Variants in ZNF804B observed in about 807,000 individuals in gnomAD.
The protein encoded by ZNF804B is zinc finger 804B.
In ZNF804B, 80 loss-of-function variants were observed where a neutral mutation model predicts 101.4. The observed-to-expected ratio is 0.79, with a 90% confidence interval of 0.66 to 0.95. The LOEUF is 0.95. Ranked by LOEUF, ZNF804B falls within the 40% of genes least tolerant of loss-of-function variation. The pLI, the probability that ZNF804B is intolerant of heterozygous loss-of-function variation, is 0.00. For synonymous variants in ZNF804B, 622 were observed against 558.8 expected, an observed-to-expected ratio of 1.11 and a Z score of -1.59; for missense variants, 1,673 against 1,561.9, an observed-to-expected ratio of 1.07 and a Z score of -1.20.
At chr7:88,833,167 T>A (rs1791158232) in intron 1 of ZNF804B, among the ~76,000 whole-genome samples, 1 of 110,272 alleles carries the variant, frequency 9.1e-6, no homozygotes, top group African/African-American at 4.8e-5. Flanking sequence ...TGCTATTCTA[T>A]CTTCCGCTTA....
chr7:88,872,306 C>A (rs1791839108), intron 1 of ZNF804B, among the ~76,000 whole-genome samples: 1 of 151,934 alleles, frequency 6.6e-6, no homozygotes, highest in South Asian at 2.1e-4. Flanking sequence ...AATCTGAACA[C>A]CTTGGGAGGC....
chr7:89,087,218 T>C (rs1789818274), intron 1 of ZNF804B, among the ~76,000 whole-genome samples: 3 of 151,924 alleles, frequency 2.0e-5, no homozygotes. Context: ...AAAGCATAAG[T>C]ATGAAAATAA....
chr7:89,078,348 A>C (rs1789643482), intron 1 of ZNF804B, among the ~76,000 whole-genome samples: 1 of 152,092 alleles, frequency 6.6e-6, no homozygotes, highest in Non-Finnish European at 1.5e-5. Context: ...GCTTACTAGA[A>C]ATGCTCAATT....
intron 1 of ZNF804B, among the ~76,000 whole-genome samples, chr7:88,768,624 C>T (rs772738445): frequency 3.3e-5 from 5 of 152,160 alleles, no homozygotes; most frequent in African/African-American, 9.6e-5. Context: ...AGGCTGAGGC[C>T]GGAGAATCGC....
intron 1 of ZNF804B, among the ~76,000 whole-genome samples, chr7:89,127,148 T>A (rs1790486231): frequency 6.6e-6 from 1 of 151,928 alleles, no homozygotes; most frequent in East Asian, 1.9e-4. Flanking sequence ...AAAGAATATG[T>A]TTCCTTTAAA....
chr7:89,063,385 A>G (rs1789405995), intron 1 of ZNF804B, among the ~76,000 whole-genome samples: 1 of 152,198 alleles, frequency 6.6e-6, no homozygotes. Flanking sequence ...TTTAGAATAC[A>G]TATTAGAAGC....
intron 1 of ZNF804B, among the ~76,000 whole-genome samples, chr7:88,766,422 CT>C (rs1475636673): frequency 6.6e-6 from 1 of 152,140 alleles, no homozygotes; most frequent in Non-Finnish European, 1.5e-5. Flanking sequence ...TTCAACTAAT[CT>C]CTTATTTTGT....
At chr7:89,022,756 A>C (rs949659468) in intron 1 of ZNF804B, among the ~76,000 whole-genome samples, 3 of 152,234 alleles carry the variant, frequency 2.0e-5, no homozygotes, top group Admixed American at 6.5e-5. Context: ...TCGATGAAAG[A>C]GAACATGAGC....
intron 1 of ZNF804B, among the ~76,000 whole-genome samples, chr7:88,854,476 T>TTTCTTTCTTTCTCTTTG (rs1554340148): frequency 4.1e-5 from 2 of 48,760 alleles, no homozygotes; most frequent in East Asian, 1.2e-3. Flanking sequence ...TCTTTCTTTC[T>TTTCTTTCTTTCTCTTTG]CTTTCCTTTC....
intron 1 of ZNF804B, among the ~76,000 whole-genome samples, chr7:89,100,362 A>G (rs143292153): frequency 5.3e-5 from 8 of 152,322 alleles, no homozygotes; most frequent in Non-Finnish European, 1.2e-4. Context: ...TGAAACTACT[A>G]CAATAAATCA....
chr7:89,117,645 A>G (rs1458244571), intron 1 of ZNF804B, among the ~76,000 whole-genome samples: 1 of 152,170 alleles, frequency 6.6e-6, no homozygotes, highest in Non-Finnish European at 1.5e-5. Context: ...TTTAGCCATA[A>G]TGTTGATGCT....
chr7:89,330,497 A>G (rs144805930), intron 3 of ZNF804B, among the ~76,000 whole-genome samples: 5 of 151,800 alleles, frequency 3.3e-5, no homozygotes, highest in Admixed American at 6.6e-5. Context: ...TTATATCTCA[A>G]TAAACCTAGA....
At chr7:89,052,682 C>T (rs1024582389) in intron 1 of ZNF804B, among the ~76,000 whole-genome samples, 3 of 152,160 alleles carry the variant, frequency 2.0e-5, no homozygotes, top group Admixed American at 6.6e-5. Context: ...ACTCAAACCT[C>T]GTACACAAGG....
At chr7:89,131,844 G>A (rs760269793) in intron 1 of ZNF804B, among the ~76,000 whole-genome samples, 2 of 151,932 alleles carry the variant, frequency 1.3e-5, no homozygotes, top group Non-Finnish European at 2.9e-5. Context: ...GGGTTCTGGA[G>A]ACGTACTCAA....
At chr7:89,262,117 A>G (rs1220740887) in intron 2 of ZNF804B, among the ~76,000 whole-genome samples, 1 of 152,228 alleles carries the variant, frequency 6.6e-6, no homozygotes, top group Non-Finnish European at 1.5e-5. Context: ...AACTTCCAAA[A>G]CACTCATATT....
intron 1 of ZNF804B, among the ~76,000 whole-genome samples, chr7:89,038,673 A>G (rs1021917492): frequency 6.6e-6 from 1 of 152,106 alleles, no homozygotes; most frequent in Non-Finnish European, 1.5e-5. Flanking sequence ...AGTTTGATAT[A>G]ATCCCATTCA....
intron 2 of ZNF804B, among the ~76,000 whole-genome samples, chr7:89,268,122 A>C (rs1789827504): frequency 6.6e-6 from 1 of 152,168 alleles, no homozygotes; most frequent in Non-Finnish European, 1.5e-5. Flanking sequence ...TATTAAAAAC[A>C]GCATTCTTAC....
At chr7:88,866,292 T>A (rs917203192) in intron 1 of ZNF804B, among the ~76,000 whole-genome samples, 2 of 152,228 alleles carry the variant, frequency 1.3e-5, no homozygotes, top group Admixed American at 6.5e-5. Flanking sequence ...AATTATTTCC[T>A]TTCCTTTGTG....
chr7:89,127,904 A>G (rs1790496847), intron 1 of ZNF804B, among the ~76,000 whole-genome samples: 1 of 151,694 alleles, frequency 6.6e-6, no homozygotes. Context: ...ATGTATAATT[A>G]TTATTTTCAT....
Sources: allele counts gnomAD v4.1 joint callset (sites outside exome capture counted in the v4.1 genomes callset), GRCh38; gene constraint gnomAD v4.1.1; transcripts MANE v1.5; gene names NCBI Gene and HGNC (gene_info 2026-07-23, HGNC 2026-07-21).